Variants in CPVL observed in about 807,000 individuals in gnomAD.
CPVL encodes the protein carboxypeptidase vitellogenic like, also known as probable serine carboxypeptidase CPVL.
In CPVL, 51 loss-of-function variants were observed where a neutral mutation model predicts 63.7. That is an observed-to-expected ratio of 0.80 (90% CI 0.64 to 1.01). CPVL has a LOEUF of 1.01. Among genes scored for constraint, CPVL ranks in the 50% least tolerant of loss-of-function variants. The pLI, the probability that CPVL is intolerant of heterozygous loss-of-function variation, is 0.00. For missense variants in CPVL, 530 were observed against 573.1 expected (o/e 0.92, Z 0.77); for synonymous variants, 195 against 206.0 (o/e 0.95, Z 0.46).
chr7:29,056,481 G>A (rs1377373497), intron 11 of CPVL, among the ~76,000 whole-genome samples: 2 of 152,126 alleles, frequency 1.3e-5, no homozygotes, highest in Non-Finnish European at 2.9e-5. Flanking sequence ...TCAGAAATAT[G>A]CATTTAAGTT....
chr7:29,068,376 A>G (rs34541550), intron 9 of CPVL, among the ~76,000 whole-genome samples: 21,831 of 152,218 alleles, frequency 0.14, 1,919 homozygotes, highest in Admixed American at 0.22. Flanking sequence ...CCATGGGGCT[A>G]GAGGCCAAGA....
At chr7:29,132,755 T>C (rs1790823611) in intron 1 of CPVL, among the ~76,000 whole-genome samples, 1 of 152,226 alleles carries the variant, frequency 6.6e-6, no homozygotes, top group Non-Finnish European at 1.5e-5. Context: ...GACAAAGTGC[T>C]GTGTTTTGAG....
rs1584087784 is a variant in CPVL at position 29,045,510 on chromosome 7, T to C, written c.1138-14751A>G. On this transcript the variant is annotated intron_variant, in intron 11 of 12. Coordinates refer to ENST00000265394, the MANE Select transcript of CPVL (RefSeq NM_031311.5). ...GAAGTCATGCTTCACTGGGAGCTAC[T>C]TCCTCCTCCCAGAAGTTTTCGTGAA... Among the ~76,000 whole-genome samples the C allele has an allele frequency of 2.0e-5, 3 of 152,232 alleles. No individual in the cohort carries two copies. The East Asian group carries it at 5.8e-4, about 29-fold the overall frequency.
intron 7 of CPVL, among the ~76,000 whole-genome samples, chr7:29,081,705 G>A (rs1784734254): frequency 6.6e-6 from 1 of 152,166 alleles, no homozygotes; most frequent in African/African-American, 2.4e-5. Context: ...TTGTCTCCAG[G>A]CATTAGGCTG....
At chr7:29,101,843 A>G (rs1584265222) in intron 3 of CPVL, among the ~76,000 whole-genome samples, 1 of 152,146 alleles carries the variant, frequency 6.6e-6, no homozygotes, top group South Asian at 2.1e-4. Flanking sequence ...TGCAATATAC[A>G]TACACACGTT....
intron 1 of CPVL, among the ~76,000 whole-genome samples, chr7:29,133,638 G>A (rs898793845): frequency 5.3e-5 from 8 of 152,202 alleles, no homozygotes; most frequent in African/African-American, 7.2e-5. Flanking sequence ...CTGCTGAAAC[G>A]TGGTGAATCA....
At chr7:29,068,129 C>T (rs140534989) in intron 9 of CPVL, among the ~76,000 whole-genome samples, 7 of 151,702 alleles carry the variant, frequency 4.6e-5, no homozygotes, top group South Asian at 2.1e-4. Flanking sequence ...CTCAGCCTCC[C>T]GAGTACCTGA....
chr7:29,183,622 C>T (rs1170572314), intron 4 of CPVL, among the ~76,000 whole-genome samples: 6 of 151,900 alleles, frequency 3.9e-5, no homozygotes, highest in East Asian at 1.9e-4. Context: ...AGTGGTCTGC[C>T]GGTCTTGGCC....
At chr7:29,139,517 A>C (rs1051431626) in intron 1 of CPVL, among the ~76,000 whole-genome samples, 4 of 147,174 alleles carry the variant, frequency 2.7e-5, no homozygotes, top group Non-Finnish European at 6.0e-5. Context: ...AAGAAACCTA[A>C]GAAAGGCTAT....
chr7:29,074,047 T>A (rs929202065), intron 7 of CPVL, among the ~76,000 whole-genome samples: 2 of 152,206 alleles, frequency 1.3e-5, no homozygotes, highest in African/African-American at 4.8e-5. Flanking sequence ...ATCCACACCA[T>A]AATCATATGC....
At chr7:29,071,678 A>G (rs1341938433) in intron 9 of CPVL, 95 bp downstream of exon 9, 1 of 1,425,802 alleles carries the variant, frequency 7.0e-7, no homozygotes, top group Non-Finnish European at 9.6e-7. Flanking sequence ...TCTTAACAAA[A>G]AAATGCCTGA....
intron 9 of CPVL, among the ~76,000 whole-genome samples, chr7:29,066,970 G>C (rs1268901995): frequency 6.6e-6 from 1 of 152,210 alleles, no homozygotes; most frequent in Non-Finnish European, 1.5e-5. Flanking sequence ...CTGGGTTGAA[G>C]ACAGGTAATT....
At chr7:29,095,535 T>C (rs546767326) in intron 4 of CPVL, among the ~76,000 whole-genome samples, 1 of 151,626 alleles carries the variant, frequency 6.6e-6, no homozygotes, top group Non-Finnish European at 1.5e-5. Flanking sequence ...TAAGCCTTTA[T>C]ACTGAGTCAC....
chr7:29,061,147 C>T (rs1791236618), intron 11 of CPVL, among the ~76,000 whole-genome samples: 1 of 152,184 alleles, frequency 6.6e-6, no homozygotes, highest in Non-Finnish European at 1.5e-5. Flanking sequence ...GTGGCTCACA[C>T]CTGTAATCCC....
intron 12 of CPVL, among the ~76,000 whole-genome samples, chr7:29,020,126 G>A (rs543708610): frequency 4.1e-4 from 62 of 152,298 alleles, no homozygotes; most frequent in Middle Eastern, 6.8e-3. Context: ...CAAGCTGGAC[G>A]TTTTATGCAA....
rs144483249 is a variant in CPVL, at chr7:29,048,982, C to T, written c.1137+15079G>A. On this transcript the variant is annotated intron_variant, in intron 11 of 12. Transcript: ENST00000265394. Reference sequence around the variant, plus strand: ...TTCAAGCTGAACGACAATAATGACACAACCTATCAAAACCTCTGGGATACA... The same window carrying T: ...TTCAAGCTGAACGACAATAATGACATAACCTATCAAAACCTCTGGGATACA... Among the ~76,000 whole-genome samples, 480 of 152,052 alleles carry T rather than the reference C, an allele frequency of 3.2e-3. 3 individuals carry two copies. Among genetic ancestry groups the T allele is most frequent in the African/African-American group, 0.011 (457 of 41,514 alleles).
intron 1 of CPVL, among the ~76,000 whole-genome samples, chr7:29,186,780 A>G (rs570035280): frequency 3.9e-5 from 6 of 152,252 alleles, no homozygotes; most frequent in African/African-American, 1.4e-4. Context: ...ACTAAAGGGT[A>G]ATTTTTTTTT....
chr7:29,054,381 T>C (rs546462927), intron 11 of CPVL, among the ~76,000 whole-genome samples: 8 of 152,322 alleles, frequency 5.3e-5, no homozygotes, highest in African/African-American at 1.7e-4. Flanking sequence ...AAAATACTTT[T>C]ATTCTACCAT....
intron 9 of CPVL, among the ~76,000 whole-genome samples, chr7:29,071,155 T>C (rs1352009933): frequency 6.6e-6 from 1 of 152,200 alleles, no homozygotes. Context: ...TAATATTTAG[T>C]ATATTCTTAC....
Sources: allele counts gnomAD v4.1 joint callset (sites outside exome capture counted in the v4.1 genomes callset), GRCh38; gene constraint gnomAD v4.1.1; transcripts MANE v1.5; gene names NCBI Gene and HGNC (gene_info 2026-07-23, HGNC 2026-07-21).